PKP4: variants seen among roughly 807,000 people sequenced by gnomAD.
The protein encoded by PKP4 is plakophilin-4.
PKP4 carries 90 observed loss-of-function variants against 145.1 expected under a neutral mutation model. The observed-to-expected ratio is 0.62, with a 90% CI of 0.52 to 0.74. The LOEUF is 0.74. Ranked by LOEUF, PKP4 falls within the 30% of genes least tolerant of loss-of-function variation. PKP4 has a pLI of 0.00. For synonymous variants in PKP4, 563 were observed against 577.2 expected (o/e 0.98, Z 0.35); for missense variants, 1,340 against 1,482.7 (o/e 0.90, Z 1.58).
intron 1 of PKP4, among the ~76,000 whole-genome samples, chr2:158,475,986 G>C (rs543625250): frequency 8.5e-4 from 129 of 152,312 alleles, no homozygotes; most frequent in Non-Finnish European, 1.6e-3. Flanking sequence ...GCTTTCATCA[G>C]ATTTTCAAAT....
At chr2:158,593,312 A>C (rs1409177025) in intron 3 of PKP4, among the ~76,000 whole-genome samples, 1 of 152,080 alleles carries the variant, frequency 6.6e-6, no homozygotes, top group Admixed American at 6.5e-5. Context: ...TTTTCATCTC[A>C]GTTGCTTTCA....
chr2:158,598,963 A>G (rs1441541346), intron 3 of PKP4, among the ~76,000 whole-genome samples: 2 of 152,104 alleles, frequency 1.3e-5, no homozygotes, highest in Non-Finnish European at 2.9e-5. Context: ...GGAAGTGTGA[A>G]ACAGTATGGT....
chr2:158,650,929 A>G (rs2055304293), intron 11 of PKP4, among the ~76,000 whole-genome samples: 1 of 152,128 alleles, frequency 6.6e-6, no homozygotes, highest in African/African-American at 2.4e-5. Context: ...CTCAAGCCAC[A>G]CCTATAGACC....
At chr2:158,519,145 CTTT>C (rs200077006) in intron 1 of PKP4, among the ~76,000 whole-genome samples, 1 of 145,582 alleles carries the variant, frequency 6.9e-6, no homozygotes. Flanking sequence ...AAATCTCTCT[CTTT>C]TTTTTTTTAA....
At chr2:158,630,460 GAA>G (rs1237510568) in intron 7 of PKP4, among the ~76,000 whole-genome samples, 1 of 152,078 alleles carries the variant, frequency 6.6e-6, no homozygotes. Context: ...TTTTTTAAAA[GAA>G]AGGAAAAACA....
intron 2 of PKP4, among the ~76,000 whole-genome samples, chr2:158,561,724 C>T (rs34585472): frequency 0.086 from 13,048 of 152,120 alleles, 639 homozygotes; most frequent in Admixed American, 0.11. Flanking sequence ...ACTGGTGTTG[C>T]CTCTGCTTTT....
At chr2:158,677,553 G>T (rs531069826) in intron 20 of PKP4, among the ~76,000 whole-genome samples, 1 of 152,270 alleles carries the variant, frequency 6.6e-6, no homozygotes, top group South Asian at 2.1e-4. Context: ...AAATAAGTCA[G>T]TGTGAGCTAC....
chr2:158,516,738 C>T (rs982360542), intron 1 of PKP4, among the ~76,000 whole-genome samples: 1 of 151,380 alleles, frequency 6.6e-6, no homozygotes, highest in African/African-American at 2.4e-5. Context: ...TGGCTCACCA[C>T]AACCTCTGCC....
At chr2:158,612,115 GCA>G (rs756189075) in intron 4 of PKP4, among the ~76,000 whole-genome samples, 18 of 148,122 alleles carry the variant, frequency 1.2e-4, no homozygotes, top group Admixed American at 2.7e-4. Flanking sequence ...CTACACAACT[GCA>G]CACACACACA....
chr2:158,476,689 T>C (rs896565629), intron 1 of PKP4, among the ~76,000 whole-genome samples: 3 of 151,674 alleles, frequency 2.0e-5, no homozygotes, highest in Non-Finnish European at 4.4e-5. Context: ...GTTTCAAGTT[T>C]AGGCGATCTC....
chr2:158,642,082 T>C lies in PKP4; in HGVS notation c.1696-404T>C, dbSNP rs528598242. Among the ~76,000 whole-genome samples, 4 of 152,226 alleles carry C rather than the reference T, an allele frequency of 2.6e-5. No homozygotes were observed. The South Asian group carries it at 8.3e-4, about 32-fold the overall frequency. On this transcript the variant is annotated intron_variant, in intron 10 of 21. Transcript: ENST00000389759. ...TGTTGCCCAGGCTGGAGTGCAGTGG[T>C]GCAATCTTGGCTCACTGCAACCTCC...
At chr2:158,486,918 G>C (rs1694249547) in intron 1 of PKP4, among the ~76,000 whole-genome samples, 1 of 152,188 alleles carries the variant, frequency 6.6e-6, no homozygotes, top group Non-Finnish European at 1.5e-5. Flanking sequence ...AGCCATTTTA[G>C]TTGTAATGCA....
At chr2:158,599,141 G>T (rs148786265) in intron 3 of PKP4, among the ~76,000 whole-genome samples, 152 of 152,304 alleles carry the variant, frequency 1.0e-3, no homozygotes, top group African/African-American at 3.6e-3. Context: ...TGACATCAGA[G>T]GTGAGTGTTT....
At chr2:158,501,562 C>T (rs1175268956) in intron 1 of PKP4, among the ~76,000 whole-genome samples, 1 of 152,216 alleles carries the variant, frequency 6.6e-6, no homozygotes, top group Non-Finnish European at 1.5e-5. Flanking sequence ...AGCACATGCC[C>T]AGCCAGCTGA....
chr2:158,481,197 T>A (rs993405036), intron 1 of PKP4, among the ~76,000 whole-genome samples: 4 of 152,196 alleles, frequency 2.6e-5, no homozygotes, highest in Admixed American at 2.6e-4. Flanking sequence ...GTGCTGTGAT[T>A]ACAGGTGTGA....
At chr2:158,595,064 G>A (rs769076901) in intron 3 of PKP4, among the ~76,000 whole-genome samples, 3 of 152,172 alleles carry the variant, frequency 2.0e-5, no homozygotes, top group Admixed American at 2.0e-4. Flanking sequence ...TTGTGTAACT[G>A]CTCTATTTGT....
At chr2:158,648,160 C>G (rs956119393) in intron 11 of PKP4, among the ~76,000 whole-genome samples, 4 of 152,146 alleles carry the variant, frequency 2.6e-5, no homozygotes, top group Admixed American at 2.0e-4. Context: ...CATATGACTG[C>G]TACATGTACA....
intron 2 of PKP4, among the ~76,000 whole-genome samples, chr2:158,568,704 C>T (rs139260081): frequency 5.3e-5 from 8 of 151,970 alleles, no homozygotes; most frequent in South Asian, 4.1e-4. Context: ...AAGAAGCCAT[C>T]GGTTCACACC....
At chr2:158,654,483 T>C (rs1391666673) in intron 11 of PKP4, among the ~76,000 whole-genome samples, 1 of 152,194 alleles carries the variant, frequency 6.6e-6, no homozygotes, top group East Asian at 1.9e-4. Flanking sequence ...TTAACAACTT[T>C]ATATTTTATA....
Sources: gnomAD v4.1 joint callset for allele counts (sites outside exome capture counted in the v4.1 genomes callset) on GRCh38, gnomAD v4.1.1 for gene constraint, MANE v1.5 for transcripts, NCBI Gene and HGNC (gene_info 2026-07-23, HGNC 2026-07-21) for gene names.